Variants in ZFHX4 observed in about 807,000 individuals in gnomAD.
ZFHX4 encodes the protein zinc finger homeobox protein 4.
Under a neutral mutation model 267.6 loss-of-function variants are expected in ZFHX4, and 56 were observed. The ratio of observed to expected loss-of-function variants is 0.21; its 90% CI spans 0.17 to 0.26. The LOEUF (loss-of-function observed/expected upper bound fraction) is 0.26. Ranked by LOEUF, ZFHX4 falls within the 10% of genes least tolerant of loss-of-function variation. The pLI is 1.00. For missense variants in ZFHX4, 4,332 were observed against 4,420.0 expected, an observed-to-expected ratio of 0.98 and a Z score of 0.56; for synonymous variants, 1,778 against 1,665.6, an observed-to-expected ratio of 1.07 and a Z score of -1.64.
intron 3 of ZFHX4, among the ~76,000 whole-genome samples, chr8:76,715,547 C>T (rs1808549033): frequency 6.7e-6 from 1 of 150,162 alleles, no homozygotes; most frequent in South Asian, 2.1e-4. Context: ...ACCATCCACC[C>T]CTTTAAATAA....
intron 3 of ZFHX4, among the ~76,000 whole-genome samples, chr8:76,713,905 C>T (rs761591312): frequency 6.6e-6 from 1 of 151,864 alleles, no homozygotes; most frequent in Non-Finnish European, 1.5e-5. Flanking sequence ...CACACACACA[C>T]GACCACCACC....
At chr8:76,816,827 C>A (rs1811519652) in intron 4 of ZFHX4, among the ~76,000 whole-genome samples, 2 of 151,996 alleles carry the variant, frequency 1.3e-5, no homozygotes. Context: ...AACTCCTGAC[C>A]TCAGGTGATC....
At chr8:76,846,240 C>T (rs1812360927) in intron 6 of ZFHX4, among the ~76,000 whole-genome samples, 1 of 152,048 alleles carries the variant, frequency 6.6e-6, no homozygotes, top group African/African-American at 2.4e-5. Flanking sequence ...ATCCTGATGA[C>T]TTGCCTCATC....
At chr8:76,753,035 C>A (rs1809662720) in intron 3 of ZFHX4, among the ~76,000 whole-genome samples, 1 of 152,112 alleles carries the variant, frequency 6.6e-6, no homozygotes, top group South Asian at 2.1e-4. Flanking sequence ...TATGTGCATT[C>A]TTTGTAGAGA....
At chr8:76,784,726 C>T (rs148876442) in intron 4 of ZFHX4, among the ~76,000 whole-genome samples, 291 of 152,158 alleles carry the variant, frequency 1.9e-3, no homozygotes, top group African/African-American at 6.3e-3. Context: ...AAGGTCCATT[C>T]GCAGGCATAC....
chr8:76,808,760 T>C (rs1389602794), intron 4 of ZFHX4, among the ~76,000 whole-genome samples: 2 of 152,180 alleles, frequency 1.3e-5, no homozygotes, highest in Non-Finnish European at 2.9e-5. Context: ...TTGTGTTCTA[T>C]AAAAAATTGA....
intron 4 of ZFHX4, among the ~76,000 whole-genome samples, chr8:76,817,996 A>C (rs530402975): frequency 4.5e-4 from 69 of 152,316 alleles, no homozygotes; most frequent in African/African-American, 1.6e-3. Context: ...GCTGTGAGAG[A>C]TAGAAAAGTG....
chr8:76,840,641 A>G (rs958174645), intron 5 of ZFHX4, among the ~76,000 whole-genome samples: 1 of 152,156 alleles, frequency 6.6e-6, no homozygotes, highest in African/African-American at 2.4e-5. Flanking sequence ...TGTACCCCCA[A>G]GATAAGGACA....
At chr8:76,712,932 T>C (rs1003377214) in intron 3 of ZFHX4, among the ~76,000 whole-genome samples, 2 of 152,050 alleles carry the variant, frequency 1.3e-5, no homozygotes, top group African/African-American at 4.8e-5. Flanking sequence ...AAAAAAACAG[T>C]TTCTCTAGTA....
Position 76,856,109 on chromosome 8 carries a change from A to T in ZFHX4, c.9188A>T (p.Glu3063Val). 6.2e-7 allele frequency: 1 copy of T among 1,613,964 alleles called. No individual in the cohort carries two copies. The highest frequency in any genetic ancestry group is 8.5e-7 in the Non-Finnish European group (1 of 1,179,862). Residue 3063 changes from glutamate (E) to valine (V), a missense_variant, in exon 10 of 11, where the codon GAA (glutamate) becomes GTA (valine). Glu to Val is a moderately radical substitution (Grantham distance 121). Coordinates refer to ENST00000651372, the MANE Select transcript of ZFHX4 (RefSeq NM_024721.5). ...TTVRQLMAQQ[E>V]LDRIKKASDV... is the part of the protein sequence containing the mutation. ...GTTCGGCAGCTGATGGCACAGCAAG[A>T]ACTTGATCGTATAAAGAAAGCTTCA...
At chr8:76,781,082 G>A (rs534915741) in intron 4 of ZFHX4, among the ~76,000 whole-genome samples, 1 of 152,132 alleles carries the variant, frequency 6.6e-6, no homozygotes, top group Admixed American at 6.5e-5. Flanking sequence ...AAGTTGTGTG[G>A]TTGAGTTTAT....
At chr8:76,807,184 A>G (rs16939369) in intron 4 of ZFHX4, among the ~76,000 whole-genome samples, 8,250 of 151,948 alleles carry the variant, frequency 0.054, 448 homozygotes, top group African/African-American at 0.13. Flanking sequence ...GAACATTTGA[A>G]TCTGTGATTT....
chr8:76,681,673 G>A (rs1407074930), intron 1 of ZFHX4, 53 bp downstream of exon 1: 3 of 385,138 alleles, frequency 7.8e-6, no homozygotes, highest in African/African-American at 6.2e-5. Flanking sequence ...TTTAGGTCGA[G>A]TATCGATTAT....
In ZFHX4 at chr8:76,864,629, T is replaced by C; in HGVS notation, c.*64T>C. 8.1e-7 allele frequency: 1 copy of C among 1,241,516 alleles called. No homozygotes were observed. Among genetic ancestry groups the C allele is most frequent in the Non-Finnish European group, 1.1e-6 (1 of 927,988 alleles). The allele number at this position is 1,241,516 out of a possible 1,614,324, so 76.9% of individuals were successfully genotyped here. On this transcript the variant is annotated 3_prime_UTR_variant, in exon 11 of 11. Coordinates refer to ENST00000651372, the MANE Select transcript of ZFHX4 (RefSeq NM_024721.5). ...TAAAAAAATAAAAAAAAAATAAGACTTTAACTGCAGTTCCAAAGCTTCTCT... is the reference window on the plus strand; with the variant it reads ...TAAAAAAATAAAAAAAAAATAAGACCTTAACTGCAGTTCCAAAGCTTCTCT...
intron 4 of ZFHX4, among the ~76,000 whole-genome samples, chr8:76,779,203 TG>T (rs1810482980): frequency 6.6e-6 from 1 of 152,190 alleles, no homozygotes; most frequent in African/African-American, 2.4e-5. Context: ...GTTCAGGGTT[TG>T]GGTGCATAAA....
At position 76,854,253 on chromosome 8, in the gene ZFHX4, C is replaced by CCAGCCA. The variant is rs745775400; in HGVS notation, c.7352_7357dup (p.Gln2451_Pro2452dup). ...CGGACCCACCACAGGCATCCACAGC[C>CCAGCCA]CAGCCACAGCCACAGCCACAGCCAC... On this transcript the variant is annotated inframe_insertion, in exon 10 of 11. Coordinates refer to ENST00000651372, the MANE Select transcript of ZFHX4 (RefSeq NM_024721.5). 1.7e-5 allele frequency: 27 copies of CCAGCCA among 1,575,024 alleles called. No homozygotes were observed. Among genetic ancestry groups the CCAGCCA allele is most frequent in the Middle Eastern group, 1.7e-4 (1 of 6,030 alleles).
At position 76,849,690 on chromosome 8, in the gene ZFHX4, G is replaced by A; in HGVS notation, c.3824G>A (p.Cys1275Tyr). Residue 1275 changes from cysteine (C) to tyrosine (Y), a missense_variant, in exon 8 of 11, where the codon TGT becomes TAT. Cys to Tyr is a radical substitution (Grantham distance 194). This residue lies in a region of ZFHX4 where 1,371 missense variants were observed against 1,423.1 expected (regional missense o/e 0.96). Transcript: ENST00000651372. ...CATTTGCACAGTGTGTCTCCAGACT[G>A]TGTGGAGAAGCTGCTTATGACAGTA... ...LTHLHSVSPDCVEKLLMTVPV... is the reference protein window; with the variant it reads ...LTHLHSVSPDYVEKLLMTVPV... 1 of 1,613,880 alleles carries A rather than the reference G, an allele frequency of 6.2e-7. No individual in the cohort carries two copies. Among genetic ancestry groups the A allele is most frequent in the South Asian group, 1.1e-5 (1 of 91,072 alleles).
In ZFHX4 at chr8:76,833,135, G is replaced by A. The variant is rs563379667; in HGVS notation, c.3326-203G>A. Among the ~76,000 whole-genome samples, 18 of 152,154 alleles carry A rather than the reference G, an allele frequency of 1.2e-4. No individual in the cohort carries two copies. The South Asian group carries it at 1.9e-3, about 16-fold the overall frequency. ...TTTGTTCTGTGCTGCTAATACTTAA[G>A]AATTAAATCTAATCCTATCACTCCC... On this transcript the variant is annotated intron_variant, in intron 4 of 10. Transcript: ENST00000651372.
At chr8:76,774,506 T>C (rs931976785) in intron 3 of ZFHX4, among the ~76,000 whole-genome samples, 2 of 152,154 alleles carry the variant, frequency 1.3e-5, no homozygotes, top group East Asian at 3.9e-4. Context: ...TGCTTATAAA[T>C]CTTAACTAAG....
Sources: allele counts gnomAD v4.1 joint callset (sites outside exome capture counted in the v4.1 genomes callset), GRCh38; gene constraint gnomAD v4.1.1; regional missense constraint gnomAD v4.1.1; transcripts MANE v1.5; gene names NCBI Gene and HGNC (gene_info 2026-07-23, HGNC 2026-07-21).